The following KCNIP4 variants were observed in gnomAD, a reference collection of about 807,000 sequenced individuals.
KCNIP4 encodes Kv channel-interacting protein 4.
In KCNIP4, 12 loss-of-function variants were observed where a neutral mutation model predicts 34.0. That is an observed-to-expected ratio of 0.35 (90% CI 0.23 to 0.57). The LOEUF (loss-of-function observed/expected upper bound fraction) is 0.57, where lower values mean the gene tolerates loss of function less well. KCNIP4 is among the 20% of genes least tolerant of loss of function. The pLI is 0.83. For missense variants in KCNIP4, 238 were observed against 311.7 expected (o/e 0.76, Z 1.78); for synonymous variants, 124 against 102.2 (o/e 1.21, Z -1.29).
At chr4:20,738,242 T>G (rs968501428) in intron 5 of KCNIP4, among the ~76,000 whole-genome samples, 2 of 152,192 alleles carry the variant, frequency 1.3e-5, no homozygotes, top group Non-Finnish European at 2.9e-5. Flanking sequence ...TAGATGAGAT[T>G]GATTGTTATC....
At chr4:21,011,969 G>C (rs1437181364) in intron 1 of KCNIP4, among the ~76,000 whole-genome samples, 1 of 152,172 alleles carries the variant, frequency 6.6e-6, no homozygotes, top group East Asian at 1.9e-4. Context: ...GCTCTAACTG[G>C]TCTTAACGTA....
intron 2 of KCNIP4, among the ~76,000 whole-genome samples, chr4:20,869,974 G>A (rs1418824546): frequency 6.6e-6 from 1 of 152,000 alleles, no homozygotes; most frequent in Non-Finnish European, 1.5e-5. Context: ...ATAAAATAAT[G>A]TGTATAAAAC....
At chr4:21,368,328 A>C (rs1719999920) in intron 1 of KCNIP4, among the ~76,000 whole-genome samples, 1 of 147,284 alleles carries the variant, frequency 6.8e-6, no homozygotes. Context: ...TCTGTGGTTT[A>C]AGGTTATTCT....
intron 1 of KCNIP4, among the ~76,000 whole-genome samples, chr4:21,087,770 A>G (rs1473030273): frequency 6.6e-6 from 1 of 152,134 alleles, no homozygotes; most frequent in African/African-American, 2.4e-5. Flanking sequence ...AGCAGCACTC[A>G]ACACCACTCA....
chr4:20,739,511 T>C (rs1313455513), intron 5 of KCNIP4, among the ~76,000 whole-genome samples: 1 of 152,048 alleles, frequency 6.6e-6, no homozygotes, highest in African/African-American at 2.4e-5. Context: ...TCCTGACTGT[T>C]AGAAGGAAAA....
At chr4:21,553,144 G>C (rs557561939) in intron 1 of KCNIP4, among the ~76,000 whole-genome samples, 3 of 106,446 alleles carry the variant, frequency 2.8e-5, no homozygotes, top group Admixed American at 1.1e-4. Flanking sequence ...AGCTTAAAGG[G>C]GGGGGTCATA....
chr4:21,899,895 A>G (rs1727612786), intron 1 of KCNIP4, among the ~76,000 whole-genome samples: 1 of 152,142 alleles, frequency 6.6e-6, no homozygotes, highest in African/African-American at 2.4e-5. Flanking sequence ...TGCAATCTCT[A>G]TTAAAATATC....
intron 1 of KCNIP4, among the ~76,000 whole-genome samples, chr4:21,761,615 T>C (rs2109170104): frequency 7.7e-6 from 1 of 129,994 alleles, no homozygotes; most frequent in Non-Finnish European, 1.6e-5. Context: ...TAACATAAAT[T>C]TGTAAAACAA....
At chr4:20,997,036 G>T (rs1238485058) in intron 1 of KCNIP4, among the ~76,000 whole-genome samples, 1 of 150,698 alleles carries the variant, frequency 6.6e-6, no homozygotes, top group Admixed American at 6.7e-5. Context: ...AAGTAGTGCA[G>T]TGGGTTCAAG....
At chr4:20,751,259 A>G (rs1181278157) in intron 4 of KCNIP4, among the ~76,000 whole-genome samples, 1 of 152,228 alleles carries the variant, frequency 6.6e-6, no homozygotes, top group Admixed American at 6.5e-5. Context: ...TTGGGTCTAA[A>G]TAACATGTAA....
At chr4:20,935,795 A>T (rs1180332570) in intron 1 of KCNIP4, among the ~76,000 whole-genome samples, 1 of 152,076 alleles carries the variant, frequency 6.6e-6, no homozygotes, top group Non-Finnish European at 1.5e-5. Flanking sequence ...ACCAACCAAT[A>T]ATCTCAGTTC....
chr4:21,405,996 C>T (rs1175018916), intron 1 of KCNIP4, among the ~76,000 whole-genome samples: 1 of 152,100 alleles, frequency 6.6e-6, no homozygotes, highest in East Asian at 1.9e-4. Flanking sequence ...CCACCAAGCC[C>T]GGCTAATTTT....
At chr4:21,851,100 TAAGG>T (rs1463761545) in intron 1 of KCNIP4, 4 of 151,804 alleles carry the variant, frequency 2.6e-5, no homozygotes, top group Non-Finnish European at 5.9e-5. Context: ...AAAACTGAAA[TAAGG>T]TTGAAATATG....
intron 1 of KCNIP4, among the ~76,000 whole-genome samples, chr4:21,187,623 T>C (rs1755332632): frequency 3.3e-5 from 5 of 152,320 alleles, no homozygotes; most frequent in Admixed American, 2.0e-4. Flanking sequence ...CAGGAGCACA[T>C]TGCCTGTAGG....
chr4:21,701,538 G>A (rs1712842519), intron 1 of KCNIP4, among the ~76,000 whole-genome samples: 1 of 151,966 alleles, frequency 6.6e-6, no homozygotes, highest in African/African-American at 2.4e-5. Context: ...AGTATTATTT[G>A]CCAATTAAAA....
At chr4:21,293,249 G>A (rs898445925) in intron 1 of KCNIP4, among the ~76,000 whole-genome samples, 1 of 152,134 alleles carries the variant, frequency 6.6e-6, no homozygotes, top group Non-Finnish European at 1.5e-5. Context: ...TAACAACAGT[G>A]ACCAATTTAC....
intron 1 of KCNIP4, among the ~76,000 whole-genome samples, chr4:20,919,517 C>T (rs1413284155): frequency 6.6e-6 from 1 of 151,696 alleles, no homozygotes; most frequent in Non-Finnish European, 1.5e-5. Flanking sequence ...TCCTGGCTAA[C>T]ATGGTGAAAC....
At chr4:21,471,323 C>T (rs1730453428) in intron 1 of KCNIP4, among the ~76,000 whole-genome samples, 1 of 152,052 alleles carries the variant, frequency 6.6e-6, no homozygotes, top group African/African-American at 2.4e-5. Flanking sequence ...GCTGTGGATT[C>T]ATTGAAATTA....
chr4:21,601,751 C>G (rs1743179501), intron 1 of KCNIP4, among the ~76,000 whole-genome samples: 2 of 152,102 alleles, frequency 1.3e-5, no homozygotes, highest in African/African-American at 4.8e-5. Context: ...TCCTGATCCT[C>G]ACATGAGCCA....
Sources: gnomAD v4.1 joint callset for allele counts (sites outside exome capture counted in the v4.1 genomes callset) on GRCh38, gnomAD v4.1.1 for gene constraint, MANE v1.5 for transcripts, NCBI Gene and HGNC (gene_info 2026-07-23, HGNC 2026-07-21) for gene names.